MACROD2: variants seen among roughly 807,000 people sequenced by gnomAD.
MACROD2 encodes mono-ADP ribosylhydrolase 2.
MACROD2 carries 36 observed loss-of-function variants against 70.4 expected under a neutral mutation model. The observed-to-expected ratio is 0.51, with a 90% confidence interval of 0.39 to 0.68. The LOEUF (loss-of-function observed/expected upper bound fraction) is 0.68, where lower values mean the gene tolerates loss of function less well. Among genes scored for constraint, MACROD2 ranks in the 30% least tolerant of loss-of-function variants. The probability of loss-of-function intolerance (pLI) is 0.00; values close to 1 mark genes in which losing one functional copy is unlikely to be tolerated. For synonymous variants in MACROD2, 172 were observed against 178.8 expected, an observed-to-expected ratio of 0.96 and a Z score of 0.30; for missense variants, 496 against 538.4, an observed-to-expected ratio of 0.92 and a Z score of 0.78.
At chr20:14,568,193 G>A (rs994356999) in intron 4 of MACROD2, among the ~76,000 whole-genome samples, 1 of 152,038 alleles carries the variant, frequency 6.6e-6, no homozygotes, top group Non-Finnish European at 1.5e-5. Context: ...TGGAATCAAA[G>A]AGTATTTTGA....
At chr20:14,729,819 C>G (rs559080975) in intron 5 of MACROD2, among the ~76,000 whole-genome samples, 1 of 151,848 alleles carries the variant, frequency 6.6e-6, no homozygotes, top group South Asian at 2.1e-4. Context: ...AAGAAGTCAC[C>G]ATGATCTAGG....
chr20:15,047,496 G>T (rs952116403), intron 5 of MACROD2, among the ~76,000 whole-genome samples: 1 of 152,182 alleles, frequency 6.6e-6, no homozygotes, highest in South Asian at 2.1e-4. Flanking sequence ...TAACTCATTT[G>T]TGTCAGGGTA....
At chr20:14,970,284 G>A (rs1054464076) in intron 5 of MACROD2, among the ~76,000 whole-genome samples, 11 of 152,100 alleles carry the variant, frequency 7.2e-5, no homozygotes, top group African/African-American at 2.4e-4. Context: ...GATGAGATTT[G>A]GGTGGGAACA....
chr20:15,270,780 A>G (rs959835202), intron 6 of MACROD2, among the ~76,000 whole-genome samples: 7 of 152,086 alleles, frequency 4.6e-5, no homozygotes, highest in South Asian at 2.1e-4. Flanking sequence ...ACACTATGCA[A>G]TCTTGCCTCC....
At chr20:16,003,964 C>T (rs989682410) in intron 15 of MACROD2, among the ~76,000 whole-genome samples, 8 of 152,100 alleles carry the variant, frequency 5.3e-5, no homozygotes, top group South Asian at 2.1e-4. Flanking sequence ...CCACCGTGCC[C>T]GGCCAAAATT....
intron 8 of MACROD2, among the ~76,000 whole-genome samples, chr20:15,558,228 A>C (rs914776311): frequency 6.6e-6 from 1 of 152,040 alleles, no homozygotes; most frequent in African/African-American, 2.4e-5. Context: ...ACCACCACTA[A>C]AGACCTCAGT....
At chr20:14,752,529 T>C (rs1414273417) in intron 5 of MACROD2, among the ~76,000 whole-genome samples, 1 of 152,128 alleles carries the variant, frequency 6.6e-6, no homozygotes, top group Non-Finnish European at 1.5e-5. Context: ...ACCTGTAGCA[T>C]TGTATTATCT....
At chr20:15,286,372 A>AAGT (rs2077491372) in intron 6 of MACROD2, among the ~76,000 whole-genome samples, 7 of 152,162 alleles carry the variant, frequency 4.6e-5, no homozygotes, top group African/African-American at 1.7e-4. Flanking sequence ...GGGAACTAAC[A>AAGT]ACATGATTCT....
At chr20:14,031,844 C>A (rs1358367550) in intron 2 of MACROD2, among the ~76,000 whole-genome samples, 1 of 152,032 alleles carries the variant, frequency 6.6e-6, no homozygotes, top group Non-Finnish European at 1.5e-5. Flanking sequence ...ACCATTGTGT[C>A]AGACATTGTT....
chr20:15,638,561 G>C (rs1048784907), intron 8 of MACROD2, among the ~76,000 whole-genome samples: 1 of 152,176 alleles, frequency 6.6e-6, no homozygotes, highest in Admixed American at 6.5e-5. Flanking sequence ...CAGGACTGTG[G>C]GCACTGGCCT....
chr20:15,574,195 A>G (rs755702234), intron 8 of MACROD2, among the ~76,000 whole-genome samples: 5 of 152,074 alleles, frequency 3.3e-5, no homozygotes, highest in Non-Finnish European at 5.9e-5. Context: ...CCAATACTGC[A>G]TACTTGGCAT....
intron 5 of MACROD2, among the ~76,000 whole-genome samples, chr20:15,002,522 A>G (rs143468761): frequency 2.1e-4 from 32 of 152,252 alleles, no homozygotes; most frequent in African/African-American, 7.0e-4. Flanking sequence ...CTTATGATCA[A>G]TGACGATATC....
intron 4 of MACROD2, among the ~76,000 whole-genome samples, chr20:14,645,405 A>G (rs1312957011): frequency 1.3e-5 from 2 of 151,924 alleles, no homozygotes; most frequent in Non-Finnish European, 2.9e-5. Flanking sequence ...CTCTATATCT[A>G]GTTTTAGAAA....
chr20:14,866,466 A>G (rs1262525336), intron 5 of MACROD2, among the ~76,000 whole-genome samples: 1 of 152,130 alleles, frequency 6.6e-6, no homozygotes, highest in Admixed American at 6.6e-5. Flanking sequence ...AATGCTATAG[A>G]TGATGATTTT....
intron 5 of MACROD2, among the ~76,000 whole-genome samples, chr20:14,705,863 A>T (rs11908351): frequency 0.2 from 30,045 of 152,046 alleles, 3,259 homozygotes; most frequent in Non-Finnish European, 0.24. Context: ...CTCCTGTGAG[A>T]TGGAGTCTAG....
chr20:14,283,371 C>A (rs549852094), intron 3 of MACROD2, among the ~76,000 whole-genome samples: 4 of 152,176 alleles, frequency 2.6e-5, no homozygotes, highest in African/African-American at 9.6e-5. Context: ...TTGATAATTA[C>A]TTAAGAACAA....
chr20:15,253,783 A>T (rs974625976), intron 6 of MACROD2, among the ~76,000 whole-genome samples: 3 of 152,228 alleles, frequency 2.0e-5, no homozygotes, highest in African/African-American at 7.2e-5. Flanking sequence ...ACTGAGCTAC[A>T]TCCACACACT....
intron 10 of MACROD2, among the ~76,000 whole-genome samples, chr20:15,897,912 T>C (rs2064998443): frequency 6.6e-6 from 1 of 152,210 alleles, no homozygotes; most frequent in Non-Finnish European, 1.5e-5. Flanking sequence ...TTTTTACTTA[T>C]GGAAGCTTTT....
At chr20:14,235,676 C>T (rs922960432) in intron 3 of MACROD2, among the ~76,000 whole-genome samples, 1 of 152,172 alleles carries the variant, frequency 6.6e-6, no homozygotes, top group South Asian at 2.1e-4. Flanking sequence ...AGTTGCATAA[C>T]GTGGTCTGTG....
Sources: gnomAD v4.1 joint callset for allele counts (sites outside exome capture counted in the v4.1 genomes callset) on GRCh38, gnomAD v4.1.1 for gene constraint, MANE v1.5 for transcripts, NCBI Gene and HGNC (gene_info 2026-07-23, HGNC 2026-07-21) for gene names.